CGREF1: variants seen among roughly 807,000 people sequenced by gnomAD.
CGREF1 encodes cell growth regulator with EF hand domain protein 1.
Under a neutral mutation model 17.4 loss-of-function variants are expected in CGREF1, and 16 were observed. The observed-to-expected ratio is 0.92, with a 90% CI of 0.62 to 1.40. CGREF1 has a LOEUF of 1.40. Ranked by LOEUF, CGREF1 falls within the 40% of genes most tolerant of loss-of-function variation. The pLI is 0.00. For synonymous variants in CGREF1, 142 were observed against 154.6 expected (o/e 0.92, Z 0.61); for missense variants, 296 against 376.4 (o/e 0.79, Z 1.77).
At chr2:27,111,454 A>G (rs963090884) in intron 1 of CGREF1, among the ~76,000 whole-genome samples, 2 of 152,228 alleles carry the variant, frequency 1.3e-5, no homozygotes, top group African/African-American at 4.8e-5. Context: ...GGCTTCACCC[A>G]GTGGATCCTG....
At position 27,102,444 on chromosome 2, in the gene CGREF1, G is replaced by A. The variant is rs751210304; in HGVS notation, c.147-14C>T. 1.2e-5 allele frequency: 19 copies of A among 1,613,896 alleles called. No homozygotes were observed. Among genetic ancestry groups the A allele is most frequent in the East Asian group, 1.1e-4 (5 of 44,896 alleles). ...CTCTGCAGAAGTCTGTCAGAAAAGTGGAGAATCAGCCCGGGAGAGGTGAGT... is the reference window on the plus strand; with the variant it reads ...CTCTGCAGAAGTCTGTCAGAAAAGTAGAGAATCAGCCCGGGAGAGGTGAGT... On this transcript the variant is annotated splice_polypyrimidine_tract_variant and intron_variant, in intron 3 of 5. Coordinates refer to ENST00000402394, the MANE Select transcript of CGREF1 (RefSeq NM_006569.6).
At chr2:27,107,302 T>G (rs1003958520) in intron 1 of CGREF1, among the ~76,000 whole-genome samples, 2 of 151,938 alleles carry the variant, frequency 1.3e-5, no homozygotes, top group Non-Finnish European at 1.5e-5. Flanking sequence ...TTGCCCAGGC[T>G]GGAGTGCCGT....
chr2:27,101,676 A>G lies in CGREF1; in HGVS notation c.555T>C (p.Pro185=). Residue 185 remains proline (P), a synonymous_variant, in exon 6 of 6, where the codon CCT becomes CCC. Coordinates refer to ENST00000402394, the MANE Select transcript of CGREF1 (RefSeq NM_006569.6). ...SPLRQETQEA[P]GPREEAKGQV... ...GGCCCTTTGCTTCTTCTCTGGGACC[A>G]GGGGCTTCCTGTGTTTCTTGTCTTA... is the stretch of plus-strand genomic sequence containing the variant. 1 of 1,614,212 alleles carries G rather than the reference A, an allele frequency of 6.2e-7. No individual in the cohort carries two copies. The highest frequency in any genetic ancestry group is 1.3e-5 in the African/African-American group (1 of 75,058).
intron 1 of CGREF1, chr2:27,104,594 T>C (rs1671045466): frequency 6.4e-7 from 1 of 1,550,550 alleles, no homozygotes. Flanking sequence ...ATAAAGCACA[T>C]AAAGGCAGGC....
At chr2:27,109,885 CAAAAAAAAAAA>C (rs55824603) in intron 1 of CGREF1, among the ~76,000 whole-genome samples, 7 of 65,836 alleles carry the variant, frequency 1.1e-4, no homozygotes, top group Admixed American at 3.5e-4. Flanking sequence ...GACTCCGTCT[CAAAAAAAAAAA>C]AAAAAAAAAA....
intron 1 of CGREF1, among the ~76,000 whole-genome samples, chr2:27,105,703 C>A (rs904082332): frequency 1.9e-4 from 29 of 152,286 alleles, no homozygotes; most frequent in African/African-American, 7.0e-4. Flanking sequence ...ACTGCCGCCA[C>A]ACCTGGCTAA....
chr2:27,114,852 C>T (rs1671516408), intron 1 of CGREF1, among the ~76,000 whole-genome samples: 2 of 152,210 alleles, frequency 1.3e-5, no homozygotes, highest in South Asian at 4.1e-4. Flanking sequence ...TAGAAATGTG[C>T]TTGTCTCCAC....
At chr2:27,117,377 AAT>A (rs1256038405) in intron 1 of CGREF1, among the ~76,000 whole-genome samples, 2 of 152,240 alleles carry the variant, frequency 1.3e-5, no homozygotes. Flanking sequence ...AGAGAAATAA[AAT>A]AGTTATTGAA....
At chr2:27,111,577 G>A (rs556703609) in intron 1 of CGREF1, among the ~76,000 whole-genome samples, 2 of 152,330 alleles carry the variant, frequency 1.3e-5, no homozygotes, top group East Asian at 3.9e-4. Flanking sequence ...GGCGCTCGTT[G>A]GGAGGCTTGG....
At chr2:27,102,974 GGCTGAGCCTGGT>G (rs1393454925) in intron 2 of CGREF1, 1 of 985,272 alleles carries the variant, frequency 1.0e-6, no homozygotes, top group Non-Finnish European at 1.2e-6. Context: ...ACAGGTCTCT[GGCTGAGCCTGGT>G]GGCACTGCCC....
chr2:27,114,344 G>C (rs774490650), intron 1 of CGREF1, among the ~76,000 whole-genome samples: 5 of 152,032 alleles, frequency 3.3e-5, no homozygotes, highest in Admixed American at 6.6e-5. Context: ...GATGACTCTG[G>C]GGGGAGCCGT....
intron 1 of CGREF1, among the ~76,000 whole-genome samples, chr2:27,116,071 T>G (rs1284165524): frequency 2.0e-5 from 3 of 150,604 alleles, no homozygotes; most frequent in Non-Finnish European, 4.4e-5. Context: ...AAACAAAAAT[T>G]GTTTTTAATT....
At chr2:27,100,183 T>G, downstream of CGREF1, 1 of 457,448 alleles carries the variant, frequency 2.2e-6, no homozygotes. Context: ...CCAGTGAACC[T>G]GCCAAAGAAA....
intron 1 of CGREF1, among the ~76,000 whole-genome samples, chr2:27,109,449 A>G (rs1030857199): frequency 2.0e-5 from 3 of 152,202 alleles, no homozygotes; most frequent in Admixed American, 6.5e-5. Context: ...CTAAATCTAA[A>G]CAGACATAGA....
At chr2:27,105,997 C>T (rs933600000) in intron 1 of CGREF1, among the ~76,000 whole-genome samples, 1 of 152,178 alleles carries the variant, frequency 6.6e-6, no homozygotes, top group African/African-American at 2.4e-5. Context: ...CAACATAAAT[C>T]CTAGGGTTTT....
At chr2:27,110,944 G>C (rs1338059248) in intron 1 of CGREF1, 1 of 152,434 alleles carries the variant, frequency 6.6e-6, no homozygotes, top group East Asian at 1.9e-4. Flanking sequence ...GTGGGTTCGT[G>C]ATCTCGCTGG....
In CGREF1 at chr2:27,101,286, A is replaced by T. The variant is rs755483363; in HGVS notation, c.945T>A (p.Asn315Lys). Residue 315 changes from asparagine (N) to lysine (K), a missense_variant, in exon 6 of 6, where the codon AAT (asparagine) becomes AAA (lysine). Around this residue, in one of 3 missense-constraint regions of CGREF1, gnomAD observed 40 missense variants for 40.8 expected, o/e 0.98. Coordinates refer to ENST00000402394, the MANE Select transcript of CGREF1 (RefSeq NM_006569.6). ...GTATCTTCAAGATCTAGATCTCATCATTCTCCACTTGAACAATGTGCACCT... is the reference window on the plus strand; with the variant it reads ...GTATCTTCAAGATCTAGATCTCATCTTTCTCCACTTGAACAATGTGCACCT... ...DFEVHIVQVENDEI is the reference protein window; with the variant it reads ...DFEVHIVQVEKDEI 33 of 1,557,314 alleles carry T rather than the reference A, an allele frequency of 2.1e-5. No homozygotes were observed. The highest frequency in any genetic ancestry group is 2.8e-5 in the Non-Finnish European group (32 of 1,151,224).
intron 1 of CGREF1, among the ~76,000 whole-genome samples, chr2:27,108,743 G>A (rs1012072120): frequency 6.6e-6 from 1 of 152,198 alleles, no homozygotes; most frequent in African/African-American, 2.4e-5. Flanking sequence ...TGTGTTCAGA[G>A]AGGGGAGAAA....
chr2:27,115,310 C>T (rs1331270499), intron 1 of CGREF1, among the ~76,000 whole-genome samples: 1 of 152,170 alleles, frequency 6.6e-6, no homozygotes, highest in Non-Finnish European at 1.5e-5. Flanking sequence ...CTATGTACCC[C>T]TCATATATTT....
Sources: gnomAD v4.1 joint callset for allele counts (sites outside exome capture counted in the v4.1 genomes callset) on GRCh38, gnomAD v4.1.1 for gene constraint, gnomAD v4.1.1 regional missense constraint, MANE v1.5 for transcripts, NCBI Gene and HGNC (gene_info 2026-07-23, HGNC 2026-07-21) for gene names.